SIL1: variants seen among roughly 807,000 people sequenced by gnomAD.
SIL1 encodes SIL1 nucleotide exchange factor.
SIL1 carries 40 observed loss-of-function variants against 49.1 expected under a neutral mutation model. The observed-to-expected ratio is 0.81, with a 90% CI of 0.63 to 1.06. SIL1 has a LOEUF of 1.06. Ranked by LOEUF, SIL1 falls within the 50% of genes least tolerant of loss-of-function variation. The pLI is 0.00. For missense variants in SIL1, 500 were observed against 572.6 expected (o/e 0.87, Z 1.29); for synonymous variants, 253 against 250.8 (o/e 1.01, Z -0.08).
At chr5:139,028,367 T>C (rs1768709292) in intron 5 of SIL1, among the ~76,000 whole-genome samples, 2 of 151,474 alleles carry the variant, frequency 1.3e-5, no homozygotes, top group Admixed American at 6.6e-5. Context: ...GCATGGTGGC[T>C]CACACCTGTA....
intron 7 of SIL1, among the ~76,000 whole-genome samples, chr5:138,988,452 T>C (rs1440119060): frequency 6.6e-6 from 1 of 152,250 alleles, no homozygotes; most frequent in Non-Finnish European, 1.5e-5. Context: ...CAGTAATCAC[T>C]TCTTAGACAC....
chr5:139,118,408 G>A (rs888501227), intron 3 of SIL1, among the ~76,000 whole-genome samples: 19 of 152,260 alleles, frequency 1.2e-4, no homozygotes, highest in African/African-American at 4.6e-4. Context: ...TAGGAAGTAG[G>A]CAGAGGGCTT....
chr5:138,948,545 C>T lies in SIL1; in HGVS notation c.1030-1072G>A, dbSNP rs1179903436. On this transcript the variant is annotated intron_variant, in intron 9 of 9. Coordinates refer to ENST00000394817, the MANE Select transcript of SIL1 (RefSeq NM_022464.5). This position sits in a 1 kb window ranked among gnomAD's most constrained non-coding sequence, Gnocchi z 4.8. ...CTGCAGGCTCTGCCCCCACTGTGCGCGGCCTGGACCCACTCACACCCACTC... is the reference window on the plus strand; with the variant it reads ...CTGCAGGCTCTGCCCCCACTGTGCGTGGCCTGGACCCACTCACACCCACTC... 6.6e-6 allele frequency among the ~76,000 whole-genome samples: 1 copy of T among 152,134 alleles called. No individual in the cohort carries two copies. The highest frequency in any genetic ancestry group is 1.9e-4 in the East Asian group (1 of 5,196).
At chr5:139,143,243 A>G (rs539396116) in intron 1 of SIL1, among the ~76,000 whole-genome samples, 37 of 128,772 alleles carry the variant, frequency 2.9e-4, no homozygotes, top group Admixed American at 2.3e-3. Context: ...ACATATATGT[A>G]TATATACATA....
Position 139,057,314 on chromosome 5 carries a change from T to TTAAAAAAAAAAAAAAAAAAA in SIL1, c.245-6269_245-6268insTTTTTTTTTTTTTTTTTTTA, listed in dbSNP as rs781049621. ...GCGAGAAACACCCAAGAATGATCAATAAAAAAAAAAAAAAGAAAAGAAAAG... is the reference window on the plus strand; with the variant it reads ...GCGAGAAACACCCAAGAATGATCAATTAAAAAAAAAAAAAAAAAAAAAAAAAAAAAAAAAGAAAAGAAAAG... On this transcript the variant is annotated intron_variant, in intron 3 of 9. Coordinates refer to ENST00000394817, the MANE Select transcript of SIL1 (RefSeq NM_022464.5). 2.7e-3 allele frequency among the ~76,000 whole-genome samples: 197 copies of TTAAAAAAAAAAAAAAAAAAA among 73,140 alleles called. 12 individuals carry two copies. The highest frequency in any genetic ancestry group is 5.3e-3 in the African/African-American group (87 of 16,444). The allele number at this position is 73,140 out of a possible 152,430, so 48.0% of individuals were successfully genotyped here.
intron 3 of SIL1, among the ~76,000 whole-genome samples, chr5:139,091,821 C>T (rs1467443087): frequency 6.6e-6 from 1 of 152,176 alleles, no homozygotes; most frequent in African/African-American, 2.4e-5. Context: ...GATTTCTGAC[C>T]TACATCAACT....
intron 7 of SIL1, among the ~76,000 whole-genome samples, chr5:139,010,734 AGT>A (rs1220531587): frequency 2.9e-3 from 440 of 151,864 alleles, no homozygotes; most frequent in African/African-American, 0.01. Context: ...GTGATGTGTC[AGT>A]GTGCCCCTGC....
At chr5:139,124,783 C>G (rs192099906) in intron 2 of SIL1, among the ~76,000 whole-genome samples, 54 of 152,324 alleles carry the variant, frequency 3.5e-4, no homozygotes, top group Non-Finnish European at 5.0e-4. Flanking sequence ...GGCAAGGTGC[C>G]TTCCATTCCT....
intron 3 of SIL1, among the ~76,000 whole-genome samples, chr5:139,109,489 G>A (rs1770794976): frequency 6.6e-6 from 1 of 151,988 alleles, no homozygotes; most frequent in South Asian, 2.1e-4. Context: ...TTGTTCCCAT[G>A]TAGACGTCAA....
At chr5:139,115,517 T>C (rs968639042) in intron 3 of SIL1, among the ~76,000 whole-genome samples, 3 of 152,202 alleles carry the variant, frequency 2.0e-5, no homozygotes, top group Admixed American at 6.5e-5. Context: ...GGACTGGAGA[T>C]TGAGCTAAAT....
chr5:139,073,513 A>G (rs1016999030), intron 3 of SIL1, among the ~76,000 whole-genome samples: 4 of 152,230 alleles, frequency 2.6e-5, no homozygotes, highest in African/African-American at 9.6e-5. Flanking sequence ...GAGCAGAATC[A>G]TAGTTAACCA....
chr5:139,034,732 T>C (rs1175528883), intron 5 of SIL1, among the ~76,000 whole-genome samples: 1 of 152,218 alleles, frequency 6.6e-6, no homozygotes, highest in Non-Finnish European at 1.5e-5. Context: ...CAAAAACATA[T>C]GCATGTGTGT....
intron 1 of SIL1, among the ~76,000 whole-genome samples, chr5:139,130,099 C>G (rs983160671): frequency 2.0e-5 from 3 of 152,002 alleles, no homozygotes; most frequent in Non-Finnish European, 4.4e-5. Context: ...ATGGCTAGAC[C>G]TCTTCTCTAA....
At chr5:139,104,542 T>TC (rs1381189701) in intron 3 of SIL1, among the ~76,000 whole-genome samples, 1 of 152,090 alleles carries the variant, frequency 6.6e-6, no homozygotes, top group Non-Finnish European at 1.5e-5. Context: ...TCCTCTCCTC[T>TC]CCCCTAGCAG....
At chr5:138,951,734 CAGGCCCCA>C in intron 8 of SIL1, 46 bp downstream of exon 8, 1 of 1,524,536 alleles carries the variant, frequency 6.6e-7, no homozygotes, top group South Asian at 1.1e-5. Flanking sequence ...CCTTTCCTTT[CAGGCCCCA>C]CACGTGTCCT....
At chr5:138,978,110 G>A (rs1487790161) in intron 7 of SIL1, among the ~76,000 whole-genome samples, 5 of 152,042 alleles carry the variant, frequency 3.3e-5, no homozygotes, top group African/African-American at 7.2e-5. Context: ...CATTTAAAGT[G>A]TACAACTCAA....
At chr5:139,147,422 TG>T (rs1751215140) in intron 1 of SIL1, among the ~76,000 whole-genome samples, 1 of 152,174 alleles carries the variant, frequency 6.6e-6, no homozygotes, top group South Asian at 2.1e-4. Flanking sequence ...GATCCTATGC[TG>T]GGGTTGAGGG....
At chr5:139,148,327 C>G (rs1484802801) in intron 1 of SIL1, among the ~76,000 whole-genome samples, 1 of 152,174 alleles carries the variant, frequency 6.6e-6, no homozygotes, top group African/African-American at 2.4e-5. Context: ...GACAGGGGTA[C>G]AGCTCAGCCA....
intron 3 of SIL1, chr5:139,051,253 G>A: frequency 1.7e-6 from 1 of 599,882 alleles, no homozygotes; most frequent in Non-Finnish European, 3.0e-6. Flanking sequence ...AATCTGTAAG[G>A]GAATGACGTA....
Sources: gnomAD v4.1 joint callset for allele counts (sites outside exome capture counted in the v4.1 genomes callset) on GRCh38, gnomAD v4.1.1 for gene constraint, Gnocchi (gnomAD v3.1) non-coding constraint, MANE v1.5 for transcripts, NCBI Gene and HGNC (gene_info 2026-07-23, HGNC 2026-07-21) for gene names.